Variants in MYH9 observed in about 807,000 individuals in gnomAD.
MYH9 encodes myosin-9.
In MYH9, 29 loss-of-function variants were observed where a neutral mutation model predicts 241.9. The ratio of observed to expected loss-of-function variants is 0.12; its 90% CI spans 0.09 to 0.16. The LOEUF (loss-of-function observed/expected upper bound fraction) is 0.16, where lower values mean the gene tolerates loss of function less well. Ranked by LOEUF, MYH9 falls within the 10% of genes least tolerant of loss-of-function variation. The pLI, the probability that MYH9 is intolerant of heterozygous loss-of-function variation, is 1.00. For synonymous variants in MYH9, 1,047 were observed against 1,062.6 expected (o/e 0.99, Z 0.29); for missense variants, 1,803 against 2,595.5 (o/e 0.69, Z 6.63).
In MYH9 at chr22:36,301,675, G is replaced by A. The variant is rs1247031362; in HGVS notation, c.2500-10C>T. ...GCAGCAGCGGCTTGACCTGGGAGAG[G>A]AGATAGAGGTAGAGACATGCTCGGC... is the stretch of plus-strand genomic sequence containing the variant. On this transcript the variant is annotated splice_polypyrimidine_tract_variant and intron_variant, in intron 20 of 40. Coordinates refer to ENST00000216181, the MANE Select transcript of MYH9 (RefSeq NM_002473.6). 1 of 1,612,796 alleles carries A rather than the reference G, an allele frequency of 6.2e-7. No homozygotes were observed. Among genetic ancestry groups the A allele is most frequent in the Non-Finnish European group, 8.5e-7 (1 of 1,180,018 alleles).
At chr22:36,366,630 CA>C (rs1364284076) in intron 1 of MYH9, among the ~76,000 whole-genome samples, 2 of 152,146 alleles carry the variant, frequency 1.3e-5, no homozygotes, top group African/African-American at 4.8e-5. Flanking sequence ...GGCAAGAGCA[CA>C]AGAACGAAAG....
intron 5 of MYH9, among the ~76,000 whole-genome samples, chr22:36,324,762 T>C (rs549746763): frequency 2.0e-4 from 31 of 152,334 alleles, no homozygotes; most frequent in Admixed American, 2.6e-4. Flanking sequence ...ACTGGAAGCC[T>C]GGGGCAACCT....
rs1301426298 is a variant in MYH9, at chr22:36,291,361, G to T, written c.4344+625C>A. Among the ~76,000 whole-genome samples the T allele has an allele frequency of 3.9e-5, 6 of 152,204 alleles. No homozygotes were observed. The East Asian group carries it at 1.2e-3, about 29-fold the overall frequency. On this transcript the variant is annotated intron_variant, in intron 31 of 40. Coordinates refer to ENST00000216181, the MANE Select transcript of MYH9 (RefSeq NM_002473.6). Reference sequence around the variant, plus strand: ...AAAAATTCTTCTGCCTTGGGATCTTGTTGATCTGTGACCTTACCCCCAACC... The same window carrying T: ...AAAAATTCTTCTGCCTTGGGATCTTTTTGATCTGTGACCTTACCCCCAACC...
chr22:36,339,648 G>A (rs1206504841), intron 3 of MYH9, among the ~76,000 whole-genome samples: 1 of 152,198 alleles, frequency 6.6e-6, no homozygotes, highest in Non-Finnish European at 1.5e-5. Context: ...CACTAAACCA[G>A]GGACAAAGTG....
chr22:36,345,168 C>T (rs1361780039), intron 2 of MYH9, among the ~76,000 whole-genome samples: 4 of 151,998 alleles, frequency 2.6e-5, no homozygotes, highest in Admixed American at 1.3e-4. Flanking sequence ...AAAAATTAGC[C>T]GGGTGTGGTA....
chr22:36,315,185 G>A (rs368741034), intron 12 of MYH9, among the ~76,000 whole-genome samples: 2 of 152,178 alleles, frequency 1.3e-5, no homozygotes, highest in African/African-American at 2.4e-5. Context: ...TGCAACAACC[G>A]GAATGTAACA....
At position 36,306,063 on chromosome 22, in the gene MYH9, A is replaced by G. The variant is rs886167919; in HGVS notation, c.2038-12T>C. 8.7e-6 allele frequency: 14 copies of G among 1,612,736 alleles called. No individual in the cohort carries two copies. The highest frequency in any genetic ancestry group is 1.2e-5 in the Non-Finnish European group (14 of 1,180,008). On this transcript the variant is annotated splice_polypyrimidine_tract_variant and intron_variant, in intron 16 of 40. Coordinates refer to ENST00000216181, the MANE Select transcript of MYH9 (RefSeq NM_002473.6). The surrounding 1 kb of genome is among the most constrained non-coding windows in gnomAD (Gnocchi z 4.1). ...TCCAGCTTGCCGGCCTGGAGAAGAAAACACATGCATGCGGTCTCACTTCCG... is the reference window on the plus strand; with the variant it reads ...TCCAGCTTGCCGGCCTGGAGAAGAAGACACATGCATGCGGTCTCACTTCCG...
chr22:36,289,494 C>A (rs2016651153), intron 31 of MYH9, among the ~76,000 whole-genome samples, 197 bp from the exon 32 acceptor site: 1 of 152,256 alleles, frequency 6.6e-6, no homozygotes, highest in Non-Finnish European at 1.5e-5. Flanking sequence ...TGACTGCCGA[C>A]TGGAGCAGGC....
chr22:36,295,108 C>T lies in MYH9; in HGVS notation c.3486-32G>A, dbSNP rs376940841. ...AGAGAAATCCCCTCAGAGTGGAGGCCGGGGATGCTGGAGCGAGGCTGTCCC... is the reference window on the plus strand; with the variant it reads ...AGAGAAATCCCCTCAGAGTGGAGGCTGGGGATGCTGGAGCGAGGCTGTCCC... On this transcript the variant is annotated intron_variant, in intron 26 of 40. Transcript: ENST00000216181. The surrounding 1 kb of genome is among the most constrained non-coding windows in gnomAD (Gnocchi z 4.1). 219 of 1,613,916 alleles carry T rather than the reference C, an allele frequency of 1.4e-4. 1 individual carries two copies. The highest frequency in any genetic ancestry group is 1.2e-3 in the African/African-American group (91 of 75,008).
intron 2 of MYH9, among the ~76,000 whole-genome samples, chr22:36,347,255 CATG>C (rs2017691605): frequency 3.3e-5 from 5 of 151,990 alleles, no homozygotes; most frequent in Non-Finnish European, 7.4e-5. Flanking sequence ...TGATCTGCTG[CATG>C]TGCTGGCCCT....
At chr22:36,316,263 A>G (rs1273669549) in intron 12 of MYH9, among the ~76,000 whole-genome samples, 19 of 150,628 alleles carry the variant, frequency 1.3e-4, no homozygotes. Context: ...CAAACTCCTG[A>G]CCTCAAGCAA....
At position 36,295,520 on chromosome 22, in the gene MYH9, G is replaced by A; in HGVS notation, c.3470C>T (p.Ala1157Val). 1 of 1,612,956 alleles carries A rather than the reference G, an allele frequency of 6.2e-7. No individual in the cohort carries two copies. Among genetic ancestry groups the A allele is most frequent in the Non-Finnish European group, 8.5e-7 (1 of 1,179,992 alleles). The change falls in exon 26 of 41, where the codon GCC (alanine) becomes GTC (valine). Residue 1157 changes from alanine to valine, a missense_variant. Physicochemically the swap from Ala to Val is moderately conservative, Grantham distance 64 (BLOSUM62 0). Coordinates refer to ENST00000216181, the MANE Select transcript of MYH9 (RefSeq NM_002473.6). This position sits in a 1 kb window ranked among gnomAD's most constrained non-coding sequence, Gnocchi z 4.1. ...ELEDTLDSTA[A>V]QQELRSKREQ... ...CAGGGCACACCTGAGCTCCTGCTGG[G>A]CAGCTGTGGAATCCAGCGTGTCCTC...
chr22:36,301,690 A>C, intron 20 of MYH9, 25 bp from the exon 21 acceptor site: 1 of 1,611,186 alleles, frequency 6.2e-7, no homozygotes, highest in Non-Finnish European at 8.5e-7. Flanking sequence ...AGAGGTAGAG[A>C]CATGCTCGGC....
At chr22:36,301,962 T>C (rs1481259606) in intron 20 of MYH9, among the ~76,000 whole-genome samples, 1 of 152,028 alleles carries the variant, frequency 6.6e-6, no homozygotes, top group Non-Finnish European at 1.5e-5. Context: ...ACCCAGATAA[T>C]GATGTGTTCC....
At chr22:36,289,005 G>A (rs1569534816) in intron 32 of MYH9, 66 bp from the exon 33 acceptor site, 15 of 1,612,616 alleles carry the variant, frequency 9.3e-6, no homozygotes, top group Non-Finnish European at 1.1e-5. Flanking sequence ...GCGCGACCCG[G>A]AGTCTGTGCA....
intron 1 of MYH9, among the ~76,000 whole-genome samples, chr22:36,362,977 AT>A (rs2017958331): frequency 6.6e-6 from 1 of 151,894 alleles, no homozygotes; most frequent in South Asian, 2.1e-4. Flanking sequence ...CACCTCTCTT[AT>A]CCCCTGCTAC....
intron 3 of MYH9, among the ~76,000 whole-genome samples, chr22:36,335,964 C>T (rs1603483749): frequency 1.3e-5 from 2 of 152,364 alleles, no homozygotes; most frequent in African/African-American, 4.8e-5. Context: ...CACCGAGGGG[C>T]ATGTGCACAC....
chr22:36,312,356 A>AG lies in MYH9; in HGVS notation c.1555-135_1555-134insC. ...GGGCGACACACTCCCCAGGAGAAGC[A>AG]AAGCACTGTTGAAGATTTCTAGCTT... On this transcript the variant is annotated intron_variant, in intron 13 of 40. Coordinates refer to ENST00000216181, the MANE Select transcript of MYH9 (RefSeq NM_002473.6). 7 of 750,204 alleles carry AG rather than the reference A, an allele frequency of 9.3e-6. No homozygotes were observed. The South Asian group carries it at 1.2e-4, about 13-fold the overall frequency. 46.5% of individuals were successfully genotyped at this position (750,204 alleles called of 1,614,324 possible).
intron 12 of MYH9, among the ~76,000 whole-genome samples, 159 bp downstream of exon 12, chr22:36,316,358 A>G (rs2017151666): frequency 6.7e-6 from 1 of 149,778 alleles, no homozygotes; most frequent in South Asian, 2.1e-4. Context: ...TAAAAAAGAA[A>G]AAAAAAAAAA....
Sources: gnomAD v4.1 joint callset for allele counts (sites outside exome capture counted in the v4.1 genomes callset) on GRCh38, gnomAD v4.1.1 for gene constraint, Gnocchi (gnomAD v3.1) non-coding constraint, MANE v1.5 for transcripts, NCBI Gene and HGNC (gene_info 2026-07-23, HGNC 2026-07-21) for gene names.